The following CEP152 variants were observed in gnomAD, a reference collection of about 807,000 sequenced individuals.
The protein encoded by CEP152 is centrosomal protein 152.
A neutral mutation model predicts 188.9 loss-of-function variants in CEP152; 132 were observed. That is an observed-to-expected ratio of 0.70 (90% CI 0.61 to 0.81). CEP152 has a LOEUF of 0.81. CEP152 is among the 30% of genes least tolerant of loss of function. The pLI, the probability that CEP152 is intolerant of heterozygous loss-of-function variation, is 0.00. For synonymous variants in CEP152, 649 were observed against 666.6 expected (o/e 0.97, Z 0.41); for missense variants, 1,914 against 1,969.8 (o/e 0.97, Z 0.54).
chr15:48,744,954 TTTC>T lies in CEP152; in HGVS notation c.3670_3672del (p.Glu1224del). 2 of 1,610,632 alleles carry T rather than the reference TTTC, an allele frequency of 1.2e-6. No individual in the cohort carries two copies. Among genetic ancestry groups the T allele is most frequent in the Admixed American group, 3.3e-5 (2 of 59,852 alleles). On this transcript the variant is annotated inframe_deletion, in exon 23 of 27. Transcript: ENST00000380950. ...TCCAATTTATTCTTCATGTCGTTGT[TTTC>T]TTCTATTAATTCTTCAACAACTTTA...
Position 48,805,619 on chromosome 15 carries a change from G to A in CEP152, c.31C>T (p.Pro11Ser), listed in dbSNP as rs1192279755. The change falls in exon 2 of 27, where the codon CCA becomes TCA. Residue 11 changes from proline (P) to serine (S), a missense_variant. Coordinates refer to ENST00000380950, the MANE Select transcript of CEP152 (RefSeq NM_001194998.2). Reference sequence around the variant, plus strand: ...TACTCTTCATCTTCATTTTGCACTGGTAGTGCCACACTGCCAAAGTCTAAT... The same window carrying A: ...TACTCTTCATCTTCATTTTGCACTGATAGTGCCACACTGCCAAAGTCTAAT... MSLDFGSVAL[P>S]VQNEDEEYDE... 4 of 1,610,796 alleles carry A rather than the reference G, an allele frequency of 2.5e-6. No homozygotes were observed. The highest frequency in any genetic ancestry group is 2.5e-6 in the Non-Finnish European group (3 of 1,179,284).
chr15:48,782,038 A>G (rs1258079998), intron 11 of CEP152, 101 bp downstream of exon 11: 1 of 1,083,710 alleles, frequency 9.2e-7, no homozygotes. Flanking sequence ...AAGGTGGTCC[A>G]ACCACCTCTA....
In CEP152 at chr15:48,769,081, T is replaced by C. The variant is rs774881866; in HGVS notation, c.1783A>G (p.Thr595Ala). The C allele has an allele frequency of 1.2e-6, 2 of 1,604,360 alleles. No individual in the cohort carries two copies. The highest frequency in any genetic ancestry group is 1.7e-6 in the Non-Finnish European group (2 of 1,173,386). ...GGTTTTTCTGAGGTATCTGTTTTAGTCTGAATATTAAAAGGTCAAAAGTTT... is the reference window on the plus strand; with the variant it reads ...GGTTTTTCTGAGGTATCTGTTTTAGCCTGAATATTAAAAGGTCAAAAGTTT... ...KKDEKSIEVETKTDTSEKPKN... is the reference protein window; with the variant it reads ...KKDEKSIEVEAKTDTSEKPKN... Residue 595 changes from threonine (T) to alanine (A), a missense_variant and splice_region_variant, in exon 14 of 27, where the codon ACT (threonine) becomes GCT (alanine). By Grantham distance (58) the Thr-to-Ala change is moderately conservative (BLOSUM62 0). Coordinates refer to ENST00000380950, the MANE Select transcript of CEP152 (RefSeq NM_001194998.2).
intron 10 of CEP152, chr15:48,783,245 A>G (rs997462894): frequency 2.0e-5 from 3 of 152,210 alleles, no homozygotes; most frequent in Non-Finnish European, 4.4e-5. Context: ...ATAAAAATTA[A>G]TAAGAAATAA....
At chr15:48,767,594 A>T in intron 15 of CEP152, 131 bp from the exon 16 acceptor site, 1 of 1,176,964 alleles carries the variant, frequency 8.5e-7, no homozygotes, top group Non-Finnish European at 1.2e-6. Context: ...ACTTTTCCCC[A>T]ACTGAAAGTG....
chr15:48,742,039 C>A lies in CEP152; in HGVS notation c.3897G>T (p.Glu1299Asp), dbSNP rs1893017657. The A allele has an allele frequency of 5.6e-6, 9 of 1,613,996 alleles. No individual in the cohort carries two copies. The highest frequency in any genetic ancestry group is 7.6e-6 in the Non-Finnish European group (9 of 1,180,014). The change falls in exon 25 of 27, where the codon GAG becomes GAT. Residue 1299 changes from glutamate (E) to aspartate (D), a missense_variant. Coordinates refer to ENST00000380950, the MANE Select transcript of CEP152 (RefSeq NM_001194998.2). ...CGGTTTCTTGACGTTCTCGCAGTAC[C>A]TCTGCTTTTACCATTTCTGCAGCTC... ...KERAAEMVKA[E>D]VLRERQETAR...
At chr15:48,739,332 T>A (rs374205257) in intron 26 of CEP152, 44 bp from the exon 27 acceptor site, 178 of 1,565,028 alleles carry the variant, frequency 1.1e-4, no homozygotes, top group Non-Finnish European at 1.3e-4. Flanking sequence ...AAATTAATAT[T>A]TAAAGGGAAG....
rs1473206003 is a variant in CEP152, at chr15:48,755,975, C to G, written c.3273G>C (p.Lys1091Asn). ...CTTGAAATGCTTTCTGTATGCAGCC[C>G]TTTAGTTTTTCAAAATATTGCACAG... Reference protein sequence around the residue: ...WMSVQYFEKLKGCIQKAFQDT... With the variant: ...WMSVQYFEKLNGCIQKAFQDT... Residue 1091 changes from lysine to asparagine, a missense_variant, in exon 20 of 27, where the codon AAG (lysine) becomes AAC (asparagine). Lys to Asn is a moderately conservative substitution (Grantham distance 94). Transcript: ENST00000380950. 2.5e-6 allele frequency: 4 copies of G among 1,613,910 alleles called. No individual in the cohort carries two copies. Among genetic ancestry groups the G allele is most frequent in the African/African-American group, 1.3e-5 (1 of 74,898 alleles).
At chr15:48,787,441 G>T (rs901027050) in intron 9 of CEP152, among the ~76,000 whole-genome samples, 1 of 151,626 alleles carries the variant, frequency 6.6e-6, no homozygotes, top group Non-Finnish European at 1.5e-5. Flanking sequence ...GAAGTGCTGG[G>T]ATTACAGGCA....
intron 19 of CEP152, 62 bp from the exon 20 acceptor site, chr15:48,756,615 T>C (rs371136105): frequency 1.3e-6 from 2 of 1,509,772 alleles, no homozygotes; most frequent in Non-Finnish European, 1.8e-6. Flanking sequence ...CGCAAAAAAA[T>C]TAAGGTAACT....
chr15:48,754,073 T>C (rs1894083108), intron 20 of CEP152, among the ~76,000 whole-genome samples: 1 of 152,180 alleles, frequency 6.6e-6, no homozygotes, highest in Non-Finnish European at 1.5e-5. Context: ...TACCTCAAGG[T>C]CCTGAGTGAA....
rs778455695 is a variant in CEP152 at position 48,739,280 on chromosome 15, G to A, written c.4102C>T (p.Leu1368=). ...ACTGCAATCAGCATCTCTGAAGTTA[G>A]GGGCAGTGCTATTATGTGCAAGGAA... The part of the protein sequence containing the change: ...QSKTTQSALP[L]TSEMLIAVKK... The change falls in exon 27 of 27, where the codon CTA becomes TTA. Residue 1368 remains leucine, a synonymous_variant. Transcript: ENST00000380950. 6.2e-7 allele frequency: 1 copy of A among 1,612,778 alleles called. No homozygotes were observed. Among genetic ancestry groups the A allele is most frequent in the East Asian group, 2.2e-5 (1 of 44,868 alleles).
rs773653567 is a variant in CEP152 at position 48,788,802 on chromosome 15, T to C, written c.1172A>G (p.Gln391Arg). The C allele has an allele frequency of 1.2e-6, 2 of 1,613,932 alleles. No homozygotes were observed. Among genetic ancestry groups the C allele is most frequent in the Non-Finnish European group, 1.7e-6 (2 of 1,179,788 alleles). Residue 391 changes from glutamine to arginine, a missense_variant and splice_region_variant, in exon 9 of 27, where the codon CAG becomes CGG. Gln to Arg is a conservative substitution (Grantham distance 43). Transcript: ENST00000380950. ...LDATVTALKE[Q>R]EDICSRLKDH... is the part of the protein sequence containing the mutation. ...TTGCTCATTTGAAATCATCCCAACC[T>C]GTTCTTTAAGTGCGGTGACTGTGGC...
At position 48,805,658 on chromosome 15, in the gene CEP152, T is replaced by C; in HGVS notation, c.-7-2A>G. 2.5e-6 allele frequency: 4 copies of C among 1,612,818 alleles called. No homozygotes were observed. The highest frequency in any genetic ancestry group is 2.2e-5 in the East Asian group (1 of 44,704). ...CCAAAGTCTAATGACATGGTCCTCC[T>C]GTGGGAAGGGAAAGATGTTTGGTTT... is the stretch of plus-strand genomic sequence containing the variant. On this transcript the variant is annotated splice_acceptor_variant, in intron 1 of 26. Coordinates refer to ENST00000380950, the MANE Select transcript of CEP152 (RefSeq NM_001194998.2). LOFTEE classifies it low-confidence loss of function (5UTR_SPLICE).
At chr15:48,789,324 C>T (rs774948517) in intron 8 of CEP152, 20 of 398,336 alleles carry the variant, frequency 5.0e-5, no homozygotes, top group East Asian at 3.3e-4. Flanking sequence ...GGCCCCAGTG[C>T]TGTTTGCATT....
chr15:48,739,041 A>C lies in CEP152; in HGVS notation c.4341T>G (p.Asp1447Glu). 6.2e-7 allele frequency: 1 copy of C among 1,614,192 alleles called. No individual in the cohort carries two copies. ...KETHLEFQFGDGSCKHLNSLP... is the reference protein window; with the variant it reads ...KETHLEFQFGEGSCKHLNSLP... ...AACTGTTTAGGTGCTTGCAACTACC[A>C]TCCCCAAACTGGAATTCCAAATGTG... Residue 1447 changes from aspartate to glutamate, a missense_variant, in exon 27 of 27, where the codon GAT becomes GAG. By Grantham distance (45) the Asp-to-Glu change is conservative. Transcript: ENST00000380950.
chr15:48,780,387 CT>C (rs1159918972), intron 12 of CEP152, among the ~76,000 whole-genome samples: 1 of 152,164 alleles, frequency 6.6e-6, no homozygotes, highest in Non-Finnish European at 1.5e-5. Context: ...AGATCACAGT[CT>C]CAAAATATGT....
intron 2 of CEP152, 166 bp downstream of exon 2, chr15:48,805,397 A>T: frequency 1.2e-6 from 1 of 819,030 alleles, no homozygotes; most frequent in Non-Finnish European, 1.8e-6. Context: ...CATTCCACTT[A>T]TTCACCTTTT....
intron 19 of CEP152, among the ~76,000 whole-genome samples, chr15:48,759,247 C>T (rs1158935459): frequency 6.6e-6 from 1 of 152,086 alleles, no homozygotes; most frequent in Non-Finnish European, 1.5e-5. Flanking sequence ...CTGAAATCTT[C>T]AATTTTCTTT....
Sources: allele counts gnomAD v4.1 joint callset (sites outside exome capture counted in the v4.1 genomes callset), GRCh38; gene constraint gnomAD v4.1.1; transcripts MANE v1.5; gene names NCBI Gene and HGNC (gene_info 2026-07-23, HGNC 2026-07-21).